The following GCAT variants were observed in gnomAD, a reference collection of about 807,000 sequenced individuals.
GCAT encodes the protein glycine C-acetyltransferase.
A neutral mutation model predicts 39.7 loss-of-function variants in GCAT; 26 were observed. The observed-to-expected ratio is 0.65, with a 90% CI of 0.48 to 0.91. The LOEUF is 0.91. GCAT is among the 40% of genes least tolerant of loss of function. GCAT has a pLI of 0.00. For synonymous variants in GCAT, 218 were observed against 237.2 expected (o/e 0.92, Z 0.74); for missense variants, 550 against 576.2 (o/e 0.95, Z 0.47).
rs761866794 is a variant in GCAT at position 37,808,124 on chromosome 22, C to G, written c.157C>G (p.Arg53Gly). 2.4e-5 allele frequency: 37 copies of G among 1,546,494 alleles called. No homozygotes were observed. Among genetic ancestry groups the G allele is most frequent in the Non-Finnish European group, 2.8e-5 (32 of 1,148,942 alleles). Residue 53 changes from arginine (R) to glycine (G), a missense_variant, in exon 1 of 9, where the codon CGT becomes GGT. Around this residue, in one of 3 missense-constraint regions of GCAT, gnomAD observed 154 missense variants for 141.9 expected, o/e 1.08. Coordinates refer to ENST00000248924, the MANE Select transcript of GCAT (RefSeq NM_014291.4). ...GAAGAGTGAGCGGGTCATCACGTCC[C>G]GTCAGGGGCCGCACATCCGCGTGGA... Reference protein sequence around the residue: ...TWKSERVITSRQGPHIRVDGV... With the variant: ...TWKSERVITSGQGPHIRVDGV...
intron 4 of GCAT, among the ~76,000 whole-genome samples, chr22:37,814,453 G>C (rs1274911364): frequency 6.6e-6 from 1 of 152,084 alleles, no homozygotes; most frequent in East Asian, 1.9e-4. Flanking sequence ...AGTAGAGATG[G>C]GGTTTAGCCA....
chr22:37,815,159 G>T lies in GCAT; in HGVS notation c.610G>T (p.Ala204Ser). Residue 204 changes from alanine (A) to serine (S), a missense_variant, in exon 5 of 9, where the codon GCC (alanine) becomes TCC (serine). By Grantham distance (99) the Ala-to-Ser change is moderately conservative. Around this residue, in one of 3 missense-constraint regions of GCAT, gnomAD observed 378 missense variants for 390.4 expected, o/e 0.97. Transcript: ENST00000248924. ...GCTGCGCCTGGTGGCCACTGATGGG[G>T]CCTTTTCCATGGATGGCGACATCGC... ...HRLRLVATDG[A>S]FSMDGDIAPL... 1 of 1,614,084 alleles carries T rather than the reference G, an allele frequency of 6.2e-7. No homozygotes were observed. The highest frequency in any genetic ancestry group is 1.6e-4 in the Middle Eastern group (1 of 6,062).
intron 2 of GCAT, among the ~76,000 whole-genome samples, chr22:37,810,874 C>T (rs928408531): frequency 2.0e-5 from 3 of 152,042 alleles, no homozygotes; most frequent in Non-Finnish European, 4.4e-5. Flanking sequence ...TGGTCTTGAA[C>T]TCCTGGCCTC....
intron 2 of GCAT, among the ~76,000 whole-genome samples, chr22:37,811,875 C>CAAAAAAAAAAA (rs55770597): frequency 8.4e-6 from 1 of 118,726 alleles, no homozygotes. Context: ...AACTCTGTCT[C>CAAAAAAAAAAA]AAAAAAAAAA....
At chr22:37,811,807 C>G (rs566577451) in intron 2 of GCAT, among the ~76,000 whole-genome samples, 1 of 140,646 alleles carries the variant, frequency 7.1e-6, no homozygotes, top group South Asian at 2.2e-4. Context: ...ACCCATGAGG[C>G]AGGGGTTGCA....
At position 37,810,174 on chromosome 22, in the gene GCAT, G is replaced by C. The variant is rs769788156; in HGVS notation, c.327+17G>C. The stretch of plus-strand genomic sequence containing the variant: ...GGAACCCAGGTACACAGTGAGTGGT[G>C]GGGGGTTGTGGGGACTGACCCCAGC... On this transcript the variant is annotated intron_variant, in intron 2 of 8. Transcript: ENST00000248924. 9.0e-6 allele frequency: 14 copies of C among 1,560,284 alleles called. No individual in the cohort carries two copies. Among genetic ancestry groups the C allele is most frequent in the Non-Finnish European group, 1.2e-5 (14 of 1,131,270 alleles).
At position 37,815,681 on chromosome 22, in the gene GCAT, C is replaced by G; in HGVS notation, c.833C>G (p.Pro278Arg). 3 of 1,612,490 alleles carry G rather than the reference C, an allele frequency of 1.9e-6. No individual in the cohort carries two copies. The highest frequency in any genetic ancestry group is 2.5e-6 in the Non-Finnish European group (3 of 1,179,212). ...GGASGGYTTG[P>R]GPLVSLLRQR... is the part of the protein sequence containing the mutation. ...TTCTCAGGGGGCTACACGACAGGGCCTGGGCCCCTGGTGTCCCTGCTGCGG... is the reference window on the plus strand; with the variant it reads ...TTCTCAGGGGGCTACACGACAGGGCGTGGGCCCCTGGTGTCCCTGCTGCGG... Residue 278 changes from proline to arginine, a missense_variant, in exon 7 of 9, where the codon CCT becomes CGT. Coordinates refer to ENST00000248924, the MANE Select transcript of GCAT (RefSeq NM_014291.4).
intron 6 of GCAT, 26 bp from the exon 7 acceptor site, chr22:37,815,637 C>A (rs1488428060): frequency 1.9e-6 from 3 of 1,560,564 alleles, no homozygotes; most frequent in Non-Finnish European, 1.8e-6. Context: ...ACCAACCCCT[C>A]CCCCCACCTC....
intron 6 of GCAT, 45 bp downstream of exon 6, chr22:37,815,545 G>A: frequency 6.5e-7 from 1 of 1,532,460 alleles, no homozygotes; most frequent in East Asian, 2.3e-5. Flanking sequence ...TCCTTTTGAA[G>A]GGCCCTGGAG....
intron 2 of GCAT, among the ~76,000 whole-genome samples, chr22:37,811,004 G>T (rs1267856910): frequency 2.0e-4 from 31 of 152,166 alleles, no homozygotes; most frequent in Admixed American, 2.0e-3. Context: ...GGAGTAGGCG[G>T]CAGGAACTGA....
intron 3 of GCAT, 88 bp from the exon 4 acceptor site, chr22:37,813,375 G>A (rs1457660060): frequency 7.1e-7 from 1 of 1,404,494 alleles, no homozygotes; most frequent in East Asian, 2.5e-5. Context: ...CTGGCTGGCA[G>A]TACAGTTTTT....
At chr22:37,813,422 G>A in intron 3 of GCAT, 41 bp from the exon 4 acceptor site, 1 of 1,560,382 alleles carries the variant, frequency 6.4e-7, no homozygotes, top group Non-Finnish European at 8.7e-7. Flanking sequence ...AGAAGCCCAG[G>A]GTGGTTAAAT....
rs776302998 is a variant in GCAT at position 37,816,671 on chromosome 22, G to A, written c.1213G>A (p.Val405Met). Residue 405 changes from valine to methionine, a missense_variant, in exon 9 of 9, where the codon GTG becomes ATG. Val to Met is a conservative substitution (Grantham distance 21). Around this residue, in one of 3 missense-constraint regions of GCAT, gnomAD observed 378 missense variants for 390.4 expected, o/e 0.97. Coordinates refer to ENST00000248924, the MANE Select transcript of GCAT (RefSeq NM_014291.4). ...TAGCGAGGAAGACATTGACCGCTGC[G>A]TGGAGGCCTTCGTGGAAGTGGGGCG... Reference protein sequence around the residue: ...VHSEEDIDRCVEAFVEVGRLH... With the variant: ...VHSEEDIDRCMEAFVEVGRLH... 16 of 1,614,006 alleles carry A rather than the reference G, an allele frequency of 9.9e-6. No homozygotes were observed. Among genetic ancestry groups the A allele is most frequent in the African/African-American group, 2.7e-5 (2 of 74,954 alleles).
At chr22:37,812,501 A>G (rs375459878) in intron 2 of GCAT, among the ~76,000 whole-genome samples, 1 of 152,310 alleles carries the variant, frequency 6.6e-6, no homozygotes, top group East Asian at 1.9e-4. Flanking sequence ...ACAGTTTTCA[A>G]ATTTACAAAT....
At chr22:37,815,325 G>T (rs376344528) in intron 5 of GCAT, 45 bp downstream of exon 5, 37 of 1,604,902 alleles carry the variant, frequency 2.3e-5, no homozygotes, top group Non-Finnish European at 3.1e-5. Flanking sequence ...GCTTCTGAGG[G>T]TGGCTGGGAA....
Position 37,815,666 on chromosome 22 carries a change from GCTA to G in GCAT, c.820_822del (p.Tyr274del). The G allele has an allele frequency of 6.2e-7, 1 of 1,609,480 alleles. No homozygotes were observed. Among genetic ancestry groups the G allele is most frequent in the East Asian group, 2.2e-5 (1 of 44,834 alleles). On this transcript the variant is annotated inframe_deletion, in exon 7 of 9. Coordinates refer to ENST00000248924, the MANE Select transcript of GCAT (RefSeq NM_014291.4). ...CCACCTCTTCCCTTCTTCTCAGGGGGCTACACGACAGGGCCTGGGCCCCTGGTG... is the reference window on the plus strand; with the variant it reads ...CCACCTCTTCCCTTCTTCTCAGGGGGCACGACAGGGCCTGGGCCCCTGGTG...
At chr22:37,812,673 A>C (rs900453372) in intron 2 of GCAT, among the ~76,000 whole-genome samples, 1 of 152,190 alleles carries the variant, frequency 6.6e-6, no homozygotes, top group African/African-American at 2.4e-5. Flanking sequence ...AAGTCTGCCC[A>C]GGGAGGGAAC....
chr22:37,816,073 G>C lies in GCAT; in HGVS notation c.987-127G>C, dbSNP rs1922157771. The C allele has an allele frequency of 5.9e-5, 72 of 1,225,494 alleles. No homozygotes were observed. In the East Asian group the frequency reaches 1.7e-3, roughly 29 times the overall value. The allele number at this position is 1,225,494 out of a possible 1,614,324, so 75.9% of individuals were successfully genotyped here. On this transcript the variant is annotated intron_variant, in intron 7 of 8. Coordinates refer to ENST00000248924, the MANE Select transcript of GCAT (RefSeq NM_014291.4). ...CTGCCTGGCTCCCCTCTGCCTCTTA[G>C]AGCTTGTAACTGTCTTTGTTGATCC...
chr22:37,816,944 C>A (rs973086292), downstream of GCAT: 8 of 513,250 alleles, frequency 1.6e-5, no homozygotes, highest in Non-Finnish European at 7.0e-6. Context: ...GTCCTGTGGC[C>A]GGTTGAAGAA....
Sources: gnomAD v4.1 joint callset for allele counts (sites outside exome capture counted in the v4.1 genomes callset) on GRCh38, gnomAD v4.1.1 for gene constraint, gnomAD v4.1.1 regional missense constraint, MANE v1.5 for transcripts, NCBI Gene and HGNC (gene_info 2026-07-23, HGNC 2026-07-21) for gene names.